SYNJ1: variants seen among roughly 807,000 people sequenced by gnomAD.
The protein encoded by SYNJ1 is synaptojanin 1, also known as polyphosphatidylinositol phosphatase SYNJ1.
Under a neutral mutation model 168.2 loss-of-function variants are expected in SYNJ1, and 78 were observed. That is an observed-to-expected ratio of 0.46 (90% CI 0.39 to 0.56). The LOEUF is 0.56. Ranked by LOEUF, SYNJ1 falls within the 20% of genes least tolerant of loss-of-function variation. SYNJ1 has a pLI of 0.00. For missense variants in SYNJ1, 1,303 were observed against 1,597.6 expected, an observed-to-expected ratio of 0.82 and a Z score of 3.14; for synonymous variants, 539 against 548.6, an observed-to-expected ratio of 0.98 and a Z score of 0.24.
At chr21:32,697,170 T>G (rs2042241232) in intron 4 of SYNJ1, among the ~76,000 whole-genome samples, 1 of 152,210 alleles carries the variant, frequency 6.6e-6, no homozygotes, top group Admixed American at 6.5e-5. Flanking sequence ...ATACATGACT[T>G]TTGACTGGCA....
intron 11 of SYNJ1, 143 bp downstream of exon 11, chr21:32,681,353 A>G (rs1011476534): frequency 2.2e-6 from 2 of 892,816 alleles, no homozygotes; most frequent in African/African-American, 3.4e-5. Flanking sequence ...AGTATCAAAG[A>G]AGGCATAAAA....
chr21:32,705,843 C>G (rs2042587812), intron 2 of SYNJ1, among the ~76,000 whole-genome samples: 1 of 152,052 alleles, frequency 6.6e-6, no homozygotes, highest in Non-Finnish European at 1.5e-5. Flanking sequence ...AAAAATTATC[C>G]AGGTGTGGTG....
chr21:32,665,455 T>C (rs890428422), intron 17 of SYNJ1, among the ~76,000 whole-genome samples: 1 of 152,240 alleles, frequency 6.6e-6, no homozygotes, highest in Non-Finnish European at 1.5e-5. Context: ...CTCTGCCCTA[T>C]TGTTTATGCA....
At chr21:32,712,983 T>C (rs942838968) in intron 2 of SYNJ1, among the ~76,000 whole-genome samples, 10 of 152,236 alleles carry the variant, frequency 6.6e-5, no homozygotes, top group Admixed American at 2.0e-4. Context: ...TACAAGGATG[T>C]TCATACTTGT....
chr21:32,671,722 T>C (rs1272062121), intron 14 of SYNJ1, among the ~76,000 whole-genome samples: 1 of 152,186 alleles, frequency 6.6e-6, no homozygotes, highest in Non-Finnish European at 1.5e-5. Flanking sequence ...TATTTTATTA[T>C]CATTACTATC....
intron 2 of SYNJ1, among the ~76,000 whole-genome samples, chr21:32,717,782 A>C (rs77617263): frequency 0.028 from 4,239 of 152,204 alleles, 77 homozygotes; most frequent in Non-Finnish European, 0.041. Context: ...TCCTCTACAG[A>C]TCTCTGGAGC....
Position 32,700,090 on chromosome 21 carries a change from T to C in SYNJ1, c.227A>G (p.His76Arg), listed in dbSNP as rs1213605333. The part of the protein sequence containing the change: ...LRLNLGDTML[H>R]YLVLVTGCMS... ...ACATCCAGTGACTAGGACCAGATAA[T>C]GTAACATAGTATCACCTGCAAAACC... The change falls in exon 4 of 33, where the codon CAT becomes CGT. Residue 76 changes from histidine to arginine, a missense_variant. His to Arg is a conservative substitution (Grantham distance 29, BLOSUM62 0). This residue lies in a region of SYNJ1 where 920 missense variants were observed against 1,208.8 expected (regional missense o/e 0.76). Coordinates refer to ENST00000674351, the MANE Select transcript of SYNJ1 (RefSeq NM_203446.3). 1.9e-6 allele frequency: 3 copies of C among 1,610,292 alleles called. No homozygotes were observed. The highest frequency in any genetic ancestry group is 1.3e-5 in the African/African-American group (1 of 74,750).
chr21:32,630,983 T>C lies in SYNJ1; in HGVS notation c.*822A>G, dbSNP rs1190403531. ...CCAAAAGCAAGTACCCACTGTTTTC[T>C]ATTGCATGGCGTTATCTTTCTGTAA... On this transcript the variant is annotated 3_prime_UTR_variant, in exon 33 of 33. Transcript: ENST00000674351. The C allele has an allele frequency of 6.2e-7, 1 of 1,602,910 alleles. No individual in the cohort carries two copies. The highest frequency in any genetic ancestry group is 1.3e-5 in the African/African-American group (1 of 74,504).
At chr21:32,673,963 AACATTT>A (rs540776639) in intron 13 of SYNJ1, among the ~76,000 whole-genome samples, 5 of 152,212 alleles carry the variant, frequency 3.3e-5, no homozygotes, top group Non-Finnish European at 7.3e-5. Flanking sequence ...TCCAAACAAA[AACATTT>A]AAGAACATTT....
At chr21:32,676,273 A>G in intron 13 of SYNJ1, 59 bp downstream of exon 13, 1 of 1,380,174 alleles carries the variant, frequency 7.2e-7, no homozygotes, top group Non-Finnish European at 9.8e-7. Flanking sequence ...TACAATATCG[A>G]CTTCAGAAAA....
rs76502784 is a variant in SYNJ1, at chr21:32,699,829, T to C, written c.479+9A>G. ...TCCCAAATCACCAAAAGGGAAAAAATGAACTCACCAGAAAAATCTATTATC... is the reference window on the plus strand; with the variant it reads ...TCCCAAATCACCAAAAGGGAAAAAACGAACTCACCAGAAAAATCTATTATC... On this transcript the variant is annotated intron_variant, in intron 4 of 32. Coordinates refer to ENST00000674351, the MANE Select transcript of SYNJ1 (RefSeq NM_203446.3). 0.045 allele frequency: 71,944 copies of C among 1,603,016 alleles called. 1,822 individuals are homozygous for C. The highest frequency in any genetic ancestry group is 0.071 in the East Asian group (3,179 of 44,700).
At chr21:32,727,356 G>A (rs1158844707) in intron 1 of SYNJ1, among the ~76,000 whole-genome samples, 1 of 152,162 alleles carries the variant, frequency 6.6e-6, no homozygotes, top group Non-Finnish European at 1.5e-5. Flanking sequence ...AGGGTGACAA[G>A]GCTGGTTCAA....
Position 32,701,945 on chromosome 21 carries a change from T to C in SYNJ1, c.211+16A>G. 6.6e-7 allele frequency: 1 copy of C among 1,508,476 alleles called. No homozygotes were observed. Among genetic ancestry groups the C allele is most frequent in the South Asian group, 1.4e-5 (1 of 71,304 alleles). The allele number at this position is 1,508,476 out of a possible 1,614,324, so 93.4% of individuals were successfully genotyped here. A position where few individuals can be genotyped will look rare whatever the true frequency, so the allele number is the denominator to read the frequency against. Reference sequence around the variant, plus strand: ...AAATGAAAAAATGGATGAATTCTACTGAATGATAAACTTACCAAGATTTAA... The same window carrying C: ...AAATGAAAAAATGGATGAATTCTACCGAATGATAAACTTACCAAGATTTAA... On this transcript the variant is annotated intron_variant, in intron 3 of 32. Coordinates refer to ENST00000674351, the MANE Select transcript of SYNJ1 (RefSeq NM_203446.3).
chr21:32,660,409 G>T (rs1296371336), intron 18 of SYNJ1, among the ~76,000 whole-genome samples: 1 of 152,216 alleles, frequency 6.6e-6, no homozygotes, highest in African/African-American at 2.4e-5. Flanking sequence ...AATCACTGAC[G>T]TCTGTAACAC....
intron 11 of SYNJ1, among the ~76,000 whole-genome samples, chr21:32,681,135 G>A (rs1457649303): frequency 6.6e-6 from 1 of 151,962 alleles, no homozygotes; most frequent in African/African-American, 2.4e-5. Context: ...TTTATTAAGA[G>A]GTCTATGGTT....
rs775293664 is a variant in SYNJ1 at position 32,699,805 on chromosome 21, C to T, written c.479+33G>A. 7.5e-6 allele frequency: 12 copies of T among 1,591,724 alleles called. No individual in the cohort carries two copies. The South Asian group carries it at 1.4e-4, about 18-fold the overall frequency. ...TGAACAACTGCTGAACATATTATGT[C>T]CCAAATCACCAAAAGGGAAAAAATG... is the stretch of plus-strand genomic sequence containing the variant. On this transcript the variant is annotated intron_variant, in intron 4 of 32. Transcript: ENST00000674351.
At chr21:32,697,573 G>A (rs2042254094) in intron 4 of SYNJ1, among the ~76,000 whole-genome samples, 1 of 151,920 alleles carries the variant, frequency 6.6e-6, no homozygotes, top group Non-Finnish European at 1.5e-5. Flanking sequence ...CTAAGGTGGG[G>A]GGGATCACTT....
chr21:32,682,499 G>A (rs1949201729), intron 10 of SYNJ1, among the ~76,000 whole-genome samples: 1 of 151,994 alleles, frequency 6.6e-6, no homozygotes, highest in South Asian at 2.1e-4. Context: ...CCTTAAACTG[G>A]GTTCATTTAA....
intron 32 of SYNJ1, 114 bp downstream of exon 32, chr21:32,634,747 G>A: frequency 1.9e-6 from 2 of 1,059,860 alleles, no homozygotes; most frequent in Non-Finnish European, 2.7e-6. Context: ...TTTATTAATG[G>A]AGACAGGTGG....
Sources: allele counts gnomAD v4.1 joint callset (sites outside exome capture counted in the v4.1 genomes callset), GRCh38; gene constraint gnomAD v4.1.1; regional missense constraint gnomAD v4.1.1; transcripts MANE v1.5; gene names NCBI Gene and HGNC (gene_info 2026-07-23, HGNC 2026-07-21).